PRKAG2: variants seen among roughly 807,000 people sequenced by gnomAD.
The protein encoded by PRKAG2 is protein kinase AMP-activated non-catalytic subunit gamma 2.
In PRKAG2, 26 loss-of-function variants were observed where a neutral mutation model predicts 69.6. That is an observed-to-expected ratio of 0.37 (90% CI 0.27 to 0.52). The LOEUF (loss-of-function observed/expected upper bound fraction) is 0.52, where lower values mean the gene tolerates loss of function less well. Among genes scored for constraint, PRKAG2 ranks in the 20% least tolerant of loss-of-function variants. The probability of loss-of-function intolerance (pLI) is 0.90; values close to 1 mark genes in which losing one functional copy is unlikely to be tolerated. For synonymous variants in PRKAG2, 293 were observed against 285.0 expected (o/e 1.03, Z -0.28); for missense variants, 557 against 740.0 (o/e 0.75, Z 2.87).
chr7:151,792,289 C>G (rs1265746001), intron 1 of PRKAG2, among the ~76,000 whole-genome samples: 1 of 152,214 alleles, frequency 6.6e-6, no homozygotes, highest in African/African-American at 2.4e-5. Flanking sequence ...GTAACTCAAG[C>G]TGGTGTTGCA....
chr7:151,611,014 C>T (rs1818702888), intron 5 of PRKAG2, among the ~76,000 whole-genome samples: 1 of 152,086 alleles, frequency 6.6e-6, no homozygotes, highest in African/African-American at 2.4e-5. Context: ...CTTGGCCTCC[C>T]AAAGTGCTGG....
At chr7:151,588,538 A>C (rs1322374428) in intron 6 of PRKAG2, among the ~76,000 whole-genome samples, 4 of 104,794 alleles carry the variant, frequency 3.8e-5, no homozygotes, top group Admixed American at 9.8e-5. Context: ...AATTTTCGTA[A>C]TTTTAGGAGG....
intron 1 of PRKAG2, among the ~76,000 whole-genome samples, chr7:151,834,703 C>G (rs1214264142): frequency 6.6e-6 from 1 of 152,242 alleles, no homozygotes; most frequent in African/African-American, 2.4e-5. Flanking sequence ...TTTAAGCCCC[C>G]ACCCCAGGAA....
intron 2 of PRKAG2, among the ~76,000 whole-genome samples, chr7:151,784,550 G>A (rs955902204): frequency 4.6e-5 from 7 of 152,146 alleles, no homozygotes; most frequent in Non-Finnish European, 8.8e-5. Context: ...GGGCCGGGGA[G>A]GTGTCCAGTG....
At chr7:151,857,344 T>C (rs12703163) in intron 1 of PRKAG2, among the ~76,000 whole-genome samples, 57,065 of 146,936 alleles carry the variant, frequency 0.39, 12,412 homozygotes, top group East Asian at 0.54. Context: ...GATGCCCAGG[T>C]CCGCCTGTGA....
intron 3 of PRKAG2, among the ~76,000 whole-genome samples, chr7:151,768,402 C>G (rs948262484): frequency 6.6e-6 from 1 of 152,206 alleles, no homozygotes; most frequent in African/African-American, 2.4e-5. Context: ...TTAAATAAAT[C>G]AGAAGCTTCA....
At chr7:151,709,438 G>A (rs545747818) in intron 3 of PRKAG2, among the ~76,000 whole-genome samples, 97 of 152,318 alleles carry the variant, frequency 6.4e-4, no homozygotes, top group African/African-American at 2.2e-3. Context: ...GACCCTGCAT[G>A]ACACTTGGTG....
At chr7:151,830,787 C>T (rs1315495580) in intron 1 of PRKAG2, among the ~76,000 whole-genome samples, 1 of 114,422 alleles carries the variant, frequency 8.7e-6, no homozygotes. Context: ...GGGGGCGGGG[C>T]GGGGGGGGGT....
At chr7:151,657,391 C>T (rs576562280) in intron 4 of PRKAG2, among the ~76,000 whole-genome samples, 1 of 152,218 alleles carries the variant, frequency 6.6e-6, no homozygotes, top group East Asian at 1.9e-4. Context: ...AAGCCTCGTG[C>T]CAATGTCCAC....
chr7:151,830,165 C>T (rs144955673), intron 1 of PRKAG2, among the ~76,000 whole-genome samples: 1 of 146,952 alleles, frequency 6.8e-6, no homozygotes, highest in African/African-American at 2.5e-5. Flanking sequence ...CACCTGGGGT[C>T]GCTGATAGAA....
intron 1 of PRKAG2, among the ~76,000 whole-genome samples, chr7:151,840,105 A>G (rs1028365402): frequency 3.9e-5 from 6 of 152,158 alleles, no homozygotes; most frequent in African/African-American, 1.4e-4. Context: ...TACATTTTAC[A>G]TTACGTTTGT....
intron 1 of PRKAG2, among the ~76,000 whole-genome samples, chr7:151,832,600 G>GC (rs936928807): frequency 2.6e-5 from 4 of 151,476 alleles, no homozygotes; most frequent in African/African-American, 9.7e-5. Context: ...ATCTCTGGGG[G>GC]GGGGGTCCCA....
intron 5 of PRKAG2, among the ~76,000 whole-genome samples, chr7:151,608,814 G>A (rs1313459093): frequency 7.1e-6 from 1 of 140,508 alleles, no homozygotes; most frequent in African/African-American, 2.5e-5. Flanking sequence ...AAGATTAAAG[G>A]ATTAGACATG....
intron 4 of PRKAG2, among the ~76,000 whole-genome samples, chr7:151,658,698 T>C (rs988982511): frequency 7.9e-5 from 12 of 152,172 alleles, no homozygotes; most frequent in African/African-American, 2.4e-4. Context: ...AGCACATTAA[T>C]GAAGAACATG....
intron 1 of PRKAG2, among the ~76,000 whole-genome samples, chr7:151,859,200 G>C (rs6967007): frequency 3.3e-5 from 5 of 152,120 alleles, no homozygotes; most frequent in African/African-American, 1.2e-4. Flanking sequence ...CCAGGGAATG[G>C]GCTTCGAGGG....
chr7:151,799,954 T>G (rs2077744904), intron 1 of PRKAG2, among the ~76,000 whole-genome samples: 1 of 152,238 alleles, frequency 6.6e-6, no homozygotes, highest in South Asian at 2.1e-4. Context: ...TTTTACTTTT[T>G]AGTCTTTTTA....
At position 151,719,895 on chromosome 7, in the gene PRKAG2, C is replaced by T. The variant is rs749064423; in HGVS notation, c.467-44258G>A. ...GGTAGTTCTGTTATTTCACTGAGGC[C>T]GCCACATTCAATCTGCACCTTCCCA... On this transcript the variant is annotated intron_variant, in intron 3 of 15. Transcript: ENST00000287878. The surrounding 1 kb of genome is among the most constrained non-coding windows in gnomAD (Gnocchi z 5.2). 3.9e-5 allele frequency among the ~76,000 whole-genome samples: 6 copies of T among 152,150 alleles called. No homozygotes were observed. The highest frequency in any genetic ancestry group is 1.4e-4 in the African/African-American group (6 of 41,438).
chr7:151,719,560 C>T lies in PRKAG2; in HGVS notation c.467-43923G>A, dbSNP rs1182483663. Among the ~76,000 whole-genome samples the T allele has an allele frequency of 6.6e-6, 1 of 152,132 alleles. No homozygotes were observed. The highest frequency in any genetic ancestry group is 1.9e-4 in the East Asian group (1 of 5,194). On this transcript the variant is annotated intron_variant, in intron 3 of 15. Transcript: ENST00000287878. This position sits in a 1 kb window ranked among gnomAD's most constrained non-coding sequence, Gnocchi z 5.2. ...GGCCGCAGGGGTCAGAAAGAAGATG[C>T]CCCCTGTCTTCTGCCTCCTACCCTC... is the stretch of plus-strand genomic sequence containing the variant.
At position 151,807,688 on chromosome 7, in the gene PRKAG2, C is replaced by G; in HGVS notation, c.115-21147G>C. On this transcript the variant is annotated intron_variant, in intron 1 of 15. Coordinates refer to ENST00000287878, the MANE Select transcript of PRKAG2 (RefSeq NM_016203.4). The surrounding 1 kb of genome is among the most constrained non-coding windows in gnomAD (Gnocchi z 4.4). ...AAACCTACACAACCGTTTCCACTGC[C>G]TATTCCCGGGCCCCTCACTTGGGTC... is the stretch of plus-strand genomic sequence containing the variant. 2.3e-6 allele frequency: 1 copy of G among 439,212 alleles called. No individual in the cohort carries two copies. The highest frequency in any genetic ancestry group is 4.7e-6 in the Non-Finnish European group (1 of 214,758). 27.2% of individuals were successfully genotyped at this position (439,212 alleles called of 1,614,324 possible). A position where few individuals can be genotyped will look rare whatever the true frequency, so the allele number is the denominator to read the frequency against.
Sources: gnomAD v4.1 joint callset for allele counts (sites outside exome capture counted in the v4.1 genomes callset) on GRCh38, gnomAD v4.1.1 for gene constraint, Gnocchi (gnomAD v3.1) non-coding constraint, MANE v1.5 for transcripts, NCBI Gene and HGNC (gene_info 2026-07-23, HGNC 2026-07-21) for gene names.